The following SEC63 variants were observed in gnomAD, a reference collection of about 807,000 sequenced individuals.
SEC63 encodes the protein translocation protein SEC63 homolog.
In SEC63, 56 loss-of-function variants were observed where a neutral mutation model predicts 116.2. The ratio of observed to expected loss-of-function variants is 0.48; its 90% confidence interval spans 0.39 to 0.60. SEC63 has a LOEUF of 0.60. Among genes scored for constraint, SEC63 ranks in the 20% least tolerant of loss-of-function variants. The pLI is 0.00. For missense variants in SEC63, 668 were observed against 900.0 expected (o/e 0.74, Z 3.30); for synonymous variants, 273 against 294.6 (o/e 0.93, Z 0.75).
intron 4 of SEC63, among the ~76,000 whole-genome samples, chr6:107,916,513 G>T (rs1787402871): frequency 6.6e-6 from 1 of 152,192 alleles, no homozygotes; most frequent in African/African-American, 2.4e-5. Context: ...TTCACAATTT[G>T]CTATTATAAC....
At chr6:107,875,375 T>C (rs1472684435) in intron 19 of SEC63, among the ~76,000 whole-genome samples, 2 of 152,202 alleles carry the variant, frequency 1.3e-5, no homozygotes, top group Admixed American at 1.3e-4. Context: ...ACCATGCTTG[T>C]TAACTTTTCA....
At chr6:107,913,227 A>C (rs1164361408) in intron 5 of SEC63, 139 bp downstream of exon 5, 1 of 669,500 alleles carries the variant, frequency 1.5e-6, no homozygotes, top group Non-Finnish European at 2.6e-6. Context: ...AGCAAAAATT[A>C]ATGAGAGCTC....
rs754219056 is a variant in SEC63, at chr6:107,921,915, G to GGGT, written c.340-7_340-6insACC. The GGGT allele has an allele frequency of 3.5e-5, 39 of 1,104,606 alleles. No individual in the cohort carries two copies. The highest frequency in any genetic ancestry group is 1.1e-4 in the Admixed American group (4 of 36,534). The allele number at this position is 1,104,606 out of a possible 1,614,324, so 68.4% of individuals were successfully genotyped here. Reference sequence around the variant, plus strand: ...ATTTCTGCTACTGTGGCTCCCTGGGGAAAAACAAAAAAAAAAAACAAGCTT... The same window carrying GGGT: ...ATTTCTGCTACTGTGGCTCCCTGGGGGGTAAAAACAAAAAAAAAAAACAAGCTT... On this transcript the variant is annotated splice_region_variant and splice_polypyrimidine_tract_variant and intron_variant, in intron 3 of 20. Transcript: ENST00000369002.
At chr6:107,904,776 T>C in intron 10 of SEC63, 55 bp from the exon 11 acceptor site, 1 of 1,270,366 alleles carries the variant, frequency 7.9e-7, no homozygotes, top group Non-Finnish European at 1.2e-6. Flanking sequence ...AGTTAAAGCA[T>C]CTTTATCACT....
chr6:107,900,762 C>T (rs1444184201), intron 13 of SEC63, among the ~76,000 whole-genome samples: 1 of 152,184 alleles, frequency 6.6e-6, no homozygotes, highest in African/African-American at 2.4e-5. Flanking sequence ...TGTTAAAGCT[C>T]AGACCACCAC....
chr6:107,947,426 T>C lies in SEC63; in HGVS notation c.124+10460A>G, dbSNP rs574471250. On this transcript the variant is annotated intron_variant, in intron 1 of 20. Coordinates refer to ENST00000369002, the MANE Select transcript of SEC63 (RefSeq NM_007214.5). ...ACCCATCCTACTGTAATTACAACTC[T>C]ATAGGGAGTGACGGTGTGCACGTGC... Among the ~76,000 whole-genome samples, 176 of 152,042 alleles carry C rather than the reference T, an allele frequency of 1.2e-3. 2 individuals are homozygous for C. Among genetic ancestry groups the C allele is most frequent in the African/African-American group, 4.1e-3 (170 of 41,466 alleles).
intron 7 of SEC63, among the ~76,000 whole-genome samples, chr6:107,910,771 TTTTG>T (rs1394009550): frequency 6.6e-6 from 1 of 152,126 alleles, no homozygotes; most frequent in Non-Finnish European, 1.5e-5. Context: ...CTTTTGTGAT[TTTTG>T]TTTTTTTCTT....
chr6:107,904,388 C>T lies in SEC63; in HGVS notation c.1054+241G>A, dbSNP rs574225628. On this transcript the variant is annotated intron_variant, in intron 11 of 20. Transcript: ENST00000369002. ...TTTTGTCACTGCACTCCAGCCTGGGCGACAAAGCAAGACTCCATCTCAAAA... is the reference window on the plus strand; with the variant it reads ...TTTTGTCACTGCACTCCAGCCTGGGTGACAAAGCAAGACTCCATCTCAAAA... Among the ~76,000 whole-genome samples, 19 of 148,870 alleles carry T rather than the reference C, an allele frequency of 1.3e-4. No homozygotes were observed. In the South Asian group the frequency reaches 3.4e-3, roughly 27 times the overall value.
intron 1 of SEC63, among the ~76,000 whole-genome samples, chr6:107,946,082 G>A (rs537130844): frequency 3.3e-5 from 5 of 150,222 alleles, no homozygotes; most frequent in South Asian, 4.2e-4. Flanking sequence ...GACTACAAGC[G>A]TGTACCACCA....
intron 1 of SEC63, among the ~76,000 whole-genome samples, chr6:107,943,146 T>C (rs961434082): frequency 3.3e-5 from 5 of 152,250 alleles, no homozygotes; most frequent in Non-Finnish European, 7.3e-5. Flanking sequence ...CACGATGTTT[T>C]AAGCAGACAC....
chr6:107,954,391 T>C (rs1323145763), intron 1 of SEC63, among the ~76,000 whole-genome samples: 1 of 148,682 alleles, frequency 6.7e-6, no homozygotes, highest in Non-Finnish European at 1.5e-5. Context: ...GTTTATCTGC[T>C]GACCCTCCCT....
chr6:107,883,044 T>G lies in SEC63; in HGVS notation c.1777A>C (p.Ser593Arg). 1 of 1,613,146 alleles carries G rather than the reference T, an allele frequency of 6.2e-7. No homozygotes were observed. Reference sequence around the variant, plus strand: ...TGCTCTCTATCAGAGTCTCTGTCACTACCATCATCTTTCTCACTTTGGGAA... The same window carrying G: ...TGCTCTCTATCAGAGTCTCTGTCACGACCATCATCTTTCTCACTTTGGGAA... Reference protein sequence around the residue: ...RDSQSEKDDGSDRDSDREQDE... With the variant: ...RDSQSEKDDGRDRDSDREQDE... The change falls in exon 17 of 21, where the codon AGT becomes CGT. Residue 593 changes from serine (S) to arginine (R), a missense_variant. Ser to Arg is a moderately radical substitution (Grantham distance 110). Around this residue, in one of 5 missense-constraint regions of SEC63, gnomAD observed 430 missense variants for 557.5 expected, o/e 0.77. Coordinates refer to ENST00000369002, the MANE Select transcript of SEC63 (RefSeq NM_007214.5).
At chr6:107,894,124 C>A (rs1786758944) in intron 14 of SEC63, among the ~76,000 whole-genome samples, 1 of 152,172 alleles carries the variant, frequency 6.6e-6, no homozygotes, top group African/African-American at 2.4e-5. Context: ...AAAGTACAGT[C>A]TACTCAAGTT....
Position 107,958,164 on chromosome 6 carries a change from C to CGCCACCTCTGCCGCT in SEC63, c.-170_-156dup, listed in dbSNP as rs1770756556. ...CACGCCACTCTCACGGACACGCCGC[C>CGCCACCTCTGCCGCT]GCCACCTCTGCCGCTGCCGCCGCCG... On this transcript the variant is annotated 5_prime_UTR_variant, in exon 1 of 21. Transcript: ENST00000369002. The CGCCACCTCTGCCGCT allele has an allele frequency of 1.9e-5, 23 of 1,205,984 alleles. No homozygotes were observed. The highest frequency in any genetic ancestry group is 2.6e-5 in the Non-Finnish European group (22 of 853,106). 74.7% of individuals were successfully genotyped at this position (1,205,984 alleles called of 1,614,324 possible).
chr6:107,885,011 T>C (rs1786496390), intron 16 of SEC63, among the ~76,000 whole-genome samples: 1 of 151,936 alleles, frequency 6.6e-6, no homozygotes, highest in South Asian at 2.1e-4. Context: ...AGGAAACATT[T>C]CCTTAACCGG....
At chr6:107,878,415 A>T (rs1786331000) in intron 18 of SEC63, among the ~76,000 whole-genome samples, 1 of 152,220 alleles carries the variant, frequency 6.6e-6, no homozygotes. Context: ...TCATTTTGAC[A>T]TTTGTCAGAA....
intron 4 of SEC63, among the ~76,000 whole-genome samples, chr6:107,913,695 G>T (rs2114462529): frequency 6.6e-6 from 1 of 152,226 alleles, no homozygotes; most frequent in South Asian, 2.1e-4. Flanking sequence ...TCAACCAGAT[G>T]GTTCTCAGTT....
chr6:107,956,503 T>G (rs1429643452), intron 1 of SEC63, among the ~76,000 whole-genome samples: 1 of 152,126 alleles, frequency 6.6e-6, no homozygotes. Context: ...ACAATTTAAA[T>G]GCACTTAGGA....
chr6:107,915,116 G>A (rs191859382), intron 4 of SEC63, among the ~76,000 whole-genome samples: 6 of 152,216 alleles, frequency 3.9e-5, no homozygotes, highest in Admixed American at 2.6e-4. Flanking sequence ...CTTAAAAGCT[G>A]CGTAATTTTA....
Sources: allele counts gnomAD v4.1 joint callset (sites outside exome capture counted in the v4.1 genomes callset), GRCh38; gene constraint gnomAD v4.1.1; regional missense constraint gnomAD v4.1.1; transcripts MANE v1.5; gene names NCBI Gene and HGNC (gene_info 2026-07-23, HGNC 2026-07-21).